The following TTC21B variants were observed in gnomAD, a reference collection of about 807,000 sequenced individuals.
The protein encoded by TTC21B is tetratricopeptide repeat protein 21B.
TTC21B carries 127 observed loss-of-function variants against 175.1 expected under a neutral mutation model. The ratio of observed to expected loss-of-function variants is 0.73; its 90% CI spans 0.63 to 0.84. The LOEUF is 0.84. Ranked by LOEUF, TTC21B falls within the 40% of genes least tolerant of loss-of-function variation. The pLI is 0.00. For synonymous variants in TTC21B, 524 were observed against 524.5 expected (o/e 1.00, Z 0.01); for missense variants, 1,561 against 1,558.3 (o/e 1.00, Z -0.03).
chr2:165,881,133 C>G (rs1473782356), intron 26 of TTC21B, among the ~76,000 whole-genome samples: 2 of 152,102 alleles, frequency 1.3e-5, no homozygotes, highest in African/African-American at 4.8e-5. Flanking sequence ...CTCCATGAAC[C>G]CTTATCTTCA....
intron 15 of TTC21B, 62 bp downstream of exon 15, chr2:165,915,139 A>T: frequency 2.2e-6 from 3 of 1,366,048 alleles, no homozygotes; most frequent in South Asian, 1.2e-5. Flanking sequence ...TTAAAAAAAA[A>T]TTGGGAATTA....
intron 25 of TTC21B, among the ~76,000 whole-genome samples, chr2:165,886,133 C>T (rs1684991101): frequency 6.6e-6 from 1 of 152,190 alleles, no homozygotes; most frequent in Admixed American, 6.5e-5. Flanking sequence ...ACATTTTCCT[C>T]TTCCTCTGAA....
chr2:165,949,827 G>C (rs1318367295), intron 1 of TTC21B, 103 bp from the exon 2 acceptor site: 1 of 1,213,496 alleles, frequency 8.2e-7, no homozygotes, highest in Admixed American at 2.1e-5. Context: ...TAAAATTCAG[G>C]CAATGTGACT....
intron 18 of TTC21B, among the ~76,000 whole-genome samples, chr2:165,908,432 G>T (rs1032463691): frequency 1.3e-5 from 2 of 152,130 alleles, no homozygotes; most frequent in South Asian, 4.1e-4. Context: ...CTGGTACGTG[G>T]TAAGTTCTAT....
Position 165,890,922 on chromosome 2 carries a change from G to A in TTC21B, c.3017C>T (p.Pro1006Leu), listed in dbSNP as rs772108603. The A allele has an allele frequency of 6.2e-7, 1 of 1,613,084 alleles. No individual in the cohort carries two copies. Among genetic ancestry groups the A allele is most frequent in the Admixed American group, 1.7e-5 (1 of 59,958 alleles). ...LRRCGKLEDV[P>L]RFFSMAEKRN... ...TTTCTCAGCCATTGAGAAAAATCTT[G>A]GGACATCCTCGAGTTTTCCACATCT... The change falls in exon 23 of 29, where the codon CCA (proline) becomes CTA (leucine). Residue 1006 changes from proline (P) to leucine (L), a missense_variant. By Grantham distance (98) the Pro-to-Leu change is moderately conservative (BLOSUM62 -3). Coordinates refer to ENST00000243344, the MANE Select transcript of TTC21B (RefSeq NM_024753.5).
At chr2:165,911,949 GCCA>G (rs1379549906) in intron 17 of TTC21B, among the ~76,000 whole-genome samples, 2 of 152,146 alleles carry the variant, frequency 1.3e-5, no homozygotes, top group African/African-American at 4.8e-5. Flanking sequence ...ACAGGCGTGA[GCCA>G]CCACACCTGG....
chr2:165,891,262 CA>C (rs1305806233), intron 22 of TTC21B, among the ~76,000 whole-genome samples: 1 of 151,902 alleles, frequency 6.6e-6, no homozygotes, highest in Non-Finnish European at 1.5e-5. Context: ...TTTGGGGGAC[CA>C]AAACCTTAGA....
intron 22 of TTC21B, among the ~76,000 whole-genome samples, chr2:165,897,038 G>A (rs1483787518): frequency 2.6e-5 from 4 of 152,112 alleles, no homozygotes; most frequent in Non-Finnish European, 5.9e-5. Context: ...TGATGCTCAG[G>A]CAAGTCAGGG....
At chr2:165,935,781 AG>A (rs1687111567) in intron 6 of TTC21B, among the ~76,000 whole-genome samples, 2 of 152,306 alleles carry the variant, frequency 1.3e-5, no homozygotes, top group African/African-American at 4.8e-5. Flanking sequence ...GATTTCTATG[AG>A]GAAAATTTTT....
chr2:165,905,355 T>C (rs1685691615), intron 19 of TTC21B, among the ~76,000 whole-genome samples: 1 of 152,048 alleles, frequency 6.6e-6, no homozygotes, highest in African/African-American at 2.4e-5. Flanking sequence ...CTATATTAAA[T>C]GTTAAAAAAA....
intron 17 of TTC21B, among the ~76,000 whole-genome samples, chr2:165,911,855 G>C (rs1413612689): frequency 3.3e-5 from 5 of 151,910 alleles, no homozygotes; most frequent in Admixed American, 6.6e-5. Flanking sequence ...CGTAGAGATG[G>C]GGTTTCACCA....
intron 22 of TTC21B, among the ~76,000 whole-genome samples, chr2:165,897,921 G>A (rs1685424234): frequency 6.6e-6 from 1 of 152,176 alleles, no homozygotes; most frequent in Non-Finnish European, 1.5e-5. Flanking sequence ...AGTCGGCAGA[G>A]AACTGAGAAC....
At chr2:165,945,827 T>A in intron 3 of TTC21B, 137 bp from the exon 4 acceptor site, 1 of 767,298 alleles carries the variant, frequency 1.3e-6, no homozygotes, top group East Asian at 2.8e-5. Context: ...GCAAGCCATA[T>A]ATGTAACTTA....
intron 14 of TTC21B, among the ~76,000 whole-genome samples, chr2:165,916,842 A>G (rs1365292152): frequency 1.3e-5 from 2 of 152,152 alleles, no homozygotes; most frequent in Non-Finnish European, 2.9e-5. Flanking sequence ...AAATTTTTCT[A>G]AAGTTTACCA....
chr2:165,911,292 A>C, intron 18 of TTC21B, 35 bp downstream of exon 18: 1 of 1,612,854 alleles, frequency 6.2e-7, no homozygotes, highest in Non-Finnish European at 8.5e-7. Context: ...GATCAGAGTT[A>C]TCAGACTTTT....
chr2:165,923,733 C>G (rs994444914), intron 12 of TTC21B, among the ~76,000 whole-genome samples: 8 of 148,348 alleles, frequency 5.4e-5, no homozygotes, highest in Admixed American at 2.1e-4. Flanking sequence ...TGAGCCACCA[C>G]GCCCAGCTGG....
At chr2:165,916,146 C>A (rs954160554) in intron 14 of TTC21B, among the ~76,000 whole-genome samples, 2 of 152,076 alleles carry the variant, frequency 1.3e-5, no homozygotes, top group African/African-American at 4.8e-5. Flanking sequence ...TGGGCATGGC[C>A]CAGCTACTTG....
chr2:165,932,240 C>A (rs904694368), intron 7 of TTC21B, among the ~76,000 whole-genome samples: 5 of 152,014 alleles, frequency 3.3e-5, no homozygotes, highest in African/African-American at 4.8e-5. Flanking sequence ...ATTGCCTATA[C>A]AGACTGGTTT....
rs979746508 is a variant in TTC21B at position 165,932,849 on chromosome 2, A to G, written c.795+124T>C. 9.4e-5 allele frequency: 80 copies of G among 851,882 alleles called. 4 individuals are homozygous for G. Among genetic ancestry groups the G allele is most frequent in the Non-Finnish European group, 9.4e-6 (5 of 534,448 alleles). The allele number at this position is 851,882 out of a possible 1,614,324, so 52.8% of individuals were successfully genotyped here. ...CTCTAGTAATCAACTAAAAACTACC[A>G]TGATGTATATTTTAAAAGAGAACTT... On this transcript the variant is annotated intron_variant, in intron 7 of 28. Coordinates refer to ENST00000243344, the MANE Select transcript of TTC21B (RefSeq NM_024753.5).
Sources: gnomAD v4.1 joint callset for allele counts (sites outside exome capture counted in the v4.1 genomes callset) on GRCh38, gnomAD v4.1.1 for gene constraint, MANE v1.5 for transcripts, NCBI Gene and HGNC (gene_info 2026-07-23, HGNC 2026-07-21) for gene names.